RANBP2: variants seen among roughly 807,000 people sequenced by gnomAD.
The protein encoded by RANBP2 is E3 SUMO-protein ligase RanBP2.
RANBP2 carries 57 observed loss-of-function variants against 303.6 expected under a neutral mutation model. The observed-to-expected ratio is 0.19, with a 90% CI of 0.15 to 0.23. RANBP2 has a LOEUF of 0.23. RANBP2 is among the 10% of genes least tolerant of loss of function. The pLI is 1.00. For missense variants in RANBP2, 3,138 were observed against 3,780.8 expected, an observed-to-expected ratio of 0.83 and a Z score of 4.46; for synonymous variants, 1,167 against 1,301.5, an observed-to-expected ratio of 0.90 and a Z score of 2.23.
the RANBP2 span, among the ~76,000 whole-genome samples, chr2:109,305,122 T>A: frequency 6.6e-6 from 1 of 152,176 alleles, no homozygotes; most frequent in East Asian, 1.9e-4. Flanking sequence ...ATTATTCTGA[T>A]AATATTAATC....
chr2:109,400,190 T>C, the RANBP2 span, among the ~76,000 whole-genome samples: 1 of 152,126 alleles, frequency 6.6e-6, no homozygotes, highest in South Asian at 2.1e-4. Context: ...CACATCAGCC[T>C]AGAAATGCCC....
chr2:108,927,475 A>C, the RANBP2 span, among the ~76,000 whole-genome samples: 2 of 152,240 alleles, frequency 1.3e-5, no homozygotes, highest in African/African-American at 4.8e-5. Context: ...TAAATGTATC[A>C]GAACCAAGCA....
the RANBP2 span, among the ~76,000 whole-genome samples, chr2:109,254,720 G>A: frequency 9.2e-5 from 14 of 152,092 alleles, no homozygotes; most frequent in South Asian, 2.1e-4. Context: ...TGTGCCAGCC[G>A]CTCCCATGAG....
chr2:109,632,975 G>T, the RANBP2 span, among the ~76,000 whole-genome samples: 3 of 152,138 alleles, frequency 2.0e-5, no homozygotes, highest in Admixed American at 2.0e-4. Context: ...TTGTACTCGC[G>T]CTCTGTGGAG....
At chr2:109,625,614 C>T in the RANBP2 span, among the ~76,000 whole-genome samples, 4 of 151,608 alleles carry the variant, frequency 2.6e-5, no homozygotes, top group Non-Finnish European at 5.9e-5. Context: ...TGCAGTGAGC[C>T]GAGATCACGC....
the RANBP2 span, among the ~76,000 whole-genome samples, chr2:109,123,983 TA>T: frequency 2.9e-4 from 4 of 13,980 alleles, no homozygotes; most frequent in Admixed American, 8.2e-4. Flanking sequence ...TTTTCAGTTT[TA>T]TTTATTTATT....
chr2:108,753,872 T>G lies in RANBP2; in HGVS notation c.2103T>G (p.Pro701=). ...AEDIENDALS[P]EEQEECKNYL... ...ACATTGAAAATGATGCCCTTTCTCC[T>G]GAAGAACAAGAAGAATGCAAAAATT... Residue 701 remains proline, a synonymous_variant, in exon 15 of 29, where the codon CCT becomes CCG. Coordinates refer to ENST00000283195, the MANE Select transcript of RANBP2 (RefSeq NM_006267.5). 1 of 1,612,024 alleles carries G rather than the reference T, an allele frequency of 6.2e-7. No homozygotes were observed. Among genetic ancestry groups the G allele is most frequent in the Middle Eastern group, 2.3e-4 (1 of 4,430 alleles).
chr2:108,961,200 G>C, the RANBP2 span, among the ~76,000 whole-genome samples: 2 of 152,210 alleles, frequency 1.3e-5, no homozygotes, highest in Admixed American at 1.3e-4. Context: ...GACAGAAAAA[G>C]AAGACTGACC....
chr2:109,181,080 G>A, the RANBP2 span, among the ~76,000 whole-genome samples: 9 of 152,302 alleles, frequency 5.9e-5, no homozygotes, highest in Non-Finnish European at 1.2e-4. Context: ...CAGACCCTCC[G>A]TCAGCATGAG....
At chr2:108,929,509 T>C in the RANBP2 span, 3 of 990,368 alleles carry the variant, frequency 3.0e-6, no homozygotes, top group Admixed American at 5.9e-5. Flanking sequence ...CTTGGTTTCC[T>C]GAGTTGTCCT....
chr2:109,101,982 C>A, the RANBP2 span, among the ~76,000 whole-genome samples: 1 of 152,216 alleles, frequency 6.6e-6, no homozygotes, highest in African/African-American at 2.4e-5. Context: ...AGGGTGAAAT[C>A]TCCATCTTCA....
chr2:108,800,608 CTTTTTTTTTTTTTTTTT>C, the RANBP2 span, among the ~76,000 whole-genome samples: 5 of 33,490 alleles, frequency 1.5e-4, no homozygotes, highest in Middle Eastern at 0.071. Context: ...CTCAGTTTAG[CTTTTTTTTTTTTTTTTT>C]TTTTTTTTTT....
At chr2:109,544,563 T>C in the RANBP2 span, 1 of 983,132 alleles carries the variant, frequency 1.0e-6, no homozygotes, top group Non-Finnish European at 1.2e-6. Context: ...TGGAGCAGGG[T>C]GATAATTTTT....
the RANBP2 span, among the ~76,000 whole-genome samples, chr2:109,319,557 G>C: frequency 6.6e-6 from 1 of 152,240 alleles, no homozygotes; most frequent in Non-Finnish European, 1.5e-5. Flanking sequence ...GGCTCACAGG[G>C]CTGAAAACAA....
the RANBP2 span, chr2:108,912,538 C>A: frequency 1.0e-5 from 8 of 788,544 alleles, no homozygotes; most frequent in East Asian, 2.1e-4. Flanking sequence ...GGCAACATGT[C>A]ATTCAATTAC....
At position 108,740,651 on chromosome 2, in the gene RANBP2, G is replaced by A. The variant is rs1009209700; in HGVS notation, c.945G>A (p.Leu315=). 4.4e-6 allele frequency: 7 copies of A among 1,597,420 alleles called. No homozygotes were observed. The highest frequency in any genetic ancestry group is 5.1e-6 in the Non-Finnish European group (6 of 1,179,784). Residue 315 remains leucine, a synonymous_variant, in exon 7 of 29, where the codon CTG becomes CTA. Transcript: ENST00000283195. The stretch of plus-strand genomic sequence containing the variant: ...TTCAATGGCGAGCTCTTTCTGAGCT[G>A]GCTGCATTGTGCTATCTCATAGCAT... The part of the protein sequence containing the change: ...SNVQWRALSE[L]AALCYLIAFQ...
chr2:109,578,765 T>C, the RANBP2 span, among the ~76,000 whole-genome samples: 1 of 149,488 alleles, frequency 6.7e-6, no homozygotes, highest in Non-Finnish European at 1.5e-5. Context: ...AGATTCCACC[T>C]CAAAAAAGAA....
At chr2:108,953,554 C>T in the RANBP2 span, among the ~76,000 whole-genome samples, 5 of 152,062 alleles carry the variant, frequency 3.3e-5, no homozygotes, top group African/African-American at 1.2e-4. Flanking sequence ...TTGTCCAATA[C>T]CTGATGACAG....
At chr2:108,953,648 A>G in the RANBP2 span, among the ~76,000 whole-genome samples, 1 of 152,094 alleles carries the variant, frequency 6.6e-6, no homozygotes, top group Admixed American at 6.6e-5. Flanking sequence ...TAGGAAGACT[A>G]ATTTGGTGCT....
Sources: allele counts gnomAD v4.1 joint callset (sites outside exome capture counted in the v4.1 genomes callset), GRCh38; gene constraint gnomAD v4.1.1; transcripts MANE v1.5; gene names NCBI Gene and HGNC (gene_info 2026-07-23, HGNC 2026-07-21).